FAM120C: variants seen among roughly 807,000 people sequenced by gnomAD.
FAM120C encodes constitutive coactivator of PPAR-gamma-like protein 2.
Under a neutral mutation model 71.2 loss-of-function variants are expected in FAM120C, and 14 were observed. The ratio of observed to expected loss-of-function variants is 0.20; its 90% CI spans 0.13 to 0.31. The LOEUF is 0.31. Ranked by LOEUF, FAM120C falls within the 10% of genes least tolerant of loss-of-function variation. The pLI, the probability that FAM120C is intolerant of heterozygous loss-of-function variation, is 1.00. For missense variants in FAM120C, 500 were observed against 879.0 expected, an observed-to-expected ratio of 0.57 and a Z score of 5.45; for synonymous variants, 354 against 353.2, an observed-to-expected ratio of 1.00 and a Z score of -0.03.
chrX:54,168,268 C>T (rs1448692685), intron 1 of FAM120C, among the ~76,000 whole-genome samples: 1 of 111,838 alleles, frequency 8.9e-6, no homozygotes. Flanking sequence ...TCCCAAATAG[C>T]TGGGACTACA....
In FAM120C at chrX:54,116,093, G is replaced by GA. The variant is rs782375487; in HGVS notation, c.2312+451dup. Among the ~76,000 whole-genome samples the GA allele has an allele frequency of 1.0e-4, 11 of 110,212 alleles. No homozygotes were observed. The East Asian group carries it at 1.7e-3, about 17-fold the overall frequency. ...TGAAACTCCATCTCAATAAAAAAGG[G>GA]AAAAAAAAGAAACAATGAGATGTAC... On this transcript the variant is annotated intron_variant, in intron 10 of 15. Transcript: ENST00000375180.
intron 6 of FAM120C, 122 bp downstream of exon 6, chrX:54,135,406 G>A (rs1557130362): frequency 2.2e-5 from 14 of 623,661 alleles, no homozygotes; most frequent in Middle Eastern, 3.8e-4. Context: ...AGTTGAGAAG[G>A]TAATATAGTA....
chrX:54,102,965 G>A (rs1557124334), intron 10 of FAM120C, among the ~76,000 whole-genome samples: 1 of 110,205 alleles, frequency 9.1e-6, no homozygotes, highest in Non-Finnish European at 1.9e-5. Context: ...TGATCTGCCT[G>A]CCTCGGCCTC....
intron 9 of FAM120C, among the ~76,000 whole-genome samples, chrX:54,118,516 G>A (rs1314670861): frequency 9.2e-6 from 1 of 109,062 alleles, no homozygotes; most frequent in Non-Finnish European, 1.9e-5. Flanking sequence ...AGTTTTGAAA[G>A]AAACTGACAA....
chrX:54,105,312 T>C (rs782037867), intron 10 of FAM120C, among the ~76,000 whole-genome samples: 4 of 111,639 alleles, frequency 3.6e-5, no homozygotes, highest in Non-Finnish European at 5.6e-5. Flanking sequence ...AAAAACCACA[T>C]GATTATCTCA....
chrX:54,145,676 T>C (rs2067151289), intron 4 of FAM120C, among the ~76,000 whole-genome samples: 1 of 111,701 alleles, frequency 9.0e-6, no homozygotes, highest in Non-Finnish European at 1.9e-5. Context: ...GGAGAGGATG[T>C]GGAGAAATAG....
chrX:54,148,046 T>G (rs1342783292), intron 4 of FAM120C, among the ~76,000 whole-genome samples: 1 of 111,464 alleles, frequency 9.0e-6, no homozygotes, highest in Admixed American at 9.6e-5. Context: ...CAAAAGAATA[T>G]TGTCATGCCT....
At chrX:54,079,758 T>C (rs1281066635) in intron 15 of FAM120C, among the ~76,000 whole-genome samples, 2 of 108,141 alleles carry the variant, frequency 1.8e-5, no homozygotes, top group African/African-American at 6.7e-5. Context: ...GATCGTGCAA[T>C]TGCACTCCAG....
chrX:54,117,169 G>A (rs1020055358), intron 9 of FAM120C, among the ~76,000 whole-genome samples: 6 of 105,626 alleles, frequency 5.7e-5, no homozygotes, highest in East Asian at 6.0e-4. Context: ...GACCAGCCCC[G>A]GCAAGATGGA....
Position 54,183,161 on chromosome X carries a change from C to T in FAM120C, c.38G>A (p.Arg13His). 1 of 1,145,077 alleles carries T rather than the reference C, an allele frequency of 8.7e-7. No homozygotes were observed. Among genetic ancestry groups the T allele is most frequent in the Non-Finnish European group, 1.2e-6 (1 of 863,630 alleles). 94.4% of individuals were successfully genotyped at this position (1,145,077 alleles called of 1,213,427 possible). ...CACGGGCACCACGGCCCCGGGACAG[C>T]GCTTCTCCAGGAACTCTTGGAAGCC... ...VQGFQEFLEK[R>H]CPGAVVPVDL... Residue 13 changes from arginine to histidine, a missense_variant, in exon 1 of 16, where the codon CGC becomes CAC. By Grantham distance (29) the Arg-to-His change is conservative. Around this residue, in one of 11 missense-constraint regions of FAM120C, gnomAD observed 12 missense variants for 30.3 expected, o/e 0.40. Transcript: ENST00000375180.
At chrX:54,097,840 C>T (rs2146572268) in intron 10 of FAM120C, among the ~76,000 whole-genome samples, 1 of 110,136 alleles carries the variant, frequency 9.1e-6, no homozygotes, top group African/African-American at 3.3e-5. Flanking sequence ...CATTCTCCTG[C>T]CTCAGCCTCC....
At chrX:54,101,227 G>A (rs1323775473) in intron 10 of FAM120C, among the ~76,000 whole-genome samples, 1 of 111,444 alleles carries the variant, frequency 9.0e-6, no homozygotes, top group Non-Finnish European at 1.9e-5. Context: ...GGGTCCATGT[G>A]AGATATGGCT....
In FAM120C at chrX:54,072,864, A is replaced by C; in HGVS notation, c.*169T>G. ...TCCAGAAACAGACCACTGAATCTGA[A>C]GTCCCAGAAACAGGCAGGGAAGGGG... On this transcript the variant is annotated 3_prime_UTR_variant, in exon 16 of 16. Transcript: ENST00000375180. The C allele has an allele frequency of 1.9e-6, 1 of 527,980 alleles. No homozygotes were observed. The allele number at this position is 527,980 out of a possible 1,213,427, so 43.5% of individuals were successfully genotyped here. A position where few individuals can be genotyped will look rare whatever the true frequency, so the allele number is the denominator to read the frequency against.
At chrX:54,102,227 A>G (rs2066886029) in intron 10 of FAM120C, among the ~76,000 whole-genome samples, 1 of 104,449 alleles carries the variant, frequency 9.6e-6, no homozygotes, top group Non-Finnish European at 2.0e-5. Flanking sequence ...GATGGGGTCT[A>G]TGTTGCCCAA....
At chrX:54,100,453 A>G in intron 10 of FAM120C, among the ~76,000 whole-genome samples, 1 of 111,237 alleles carries the variant, frequency 9.0e-6, no homozygotes, top group Non-Finnish European at 1.9e-5. Flanking sequence ...GGATTGTGCA[A>G]CTGCACTCCA....
chrX:54,116,412 G>A, intron 10 of FAM120C, 133 bp downstream of exon 10: 2 of 690,336 alleles, frequency 2.9e-6, no homozygotes, highest in Non-Finnish European at 4.2e-6. Flanking sequence ...ATCATTTTCG[G>A]TGTTTCTGGC....
chrX:54,174,651 A>T (rs1239895020), intron 1 of FAM120C, among the ~76,000 whole-genome samples: 4 of 112,782 alleles, frequency 3.5e-5, no homozygotes, highest in African/African-American at 1.3e-4. Flanking sequence ...TAATCATTCA[A>T]TTCATTCAAC....
intron 1 of FAM120C, chrX:54,171,718 A>G (rs1557135982): frequency 1.8e-5 from 2 of 111,814 alleles, no homozygotes; most frequent in South Asian, 3.7e-4. Flanking sequence ...AGCTGTTTAG[A>G]AATGTAGGCA....
Position 54,132,724 on chromosome X carries a change from C to A in FAM120C, c.2030G>T (p.Arg677Leu). 8.3e-7 allele frequency: 1 copy of A among 1,206,592 alleles called. No individual in the cohort carries two copies. Among genetic ancestry groups the A allele is most frequent in the South Asian group, 1.8e-5 (1 of 55,631 alleles). ...AGGCAGCCGCCGTCGCATGGCCAAG[C>A]GTTCCATTTTCCTCTGTGTCTCTGC... is the stretch of plus-strand genomic sequence containing the variant. ...SLAETQRKME[R>L]LAMRRRLPVE... The change falls in exon 9 of 16, where the codon CGC becomes CTC. Residue 677 changes from arginine (R) to leucine (L), a missense_variant. By Grantham distance (102) the Arg-to-Leu change is moderately radical (BLOSUM62 -2). This residue lies in a region of FAM120C where 104 missense variants were observed against 254.5 expected (regional missense o/e 0.41). Coordinates refer to ENST00000375180, the MANE Select transcript of FAM120C (RefSeq NM_017848.6).
Sources: gnomAD v4.1 joint callset for allele counts (sites outside exome capture counted in the v4.1 genomes callset) on GRCh38, gnomAD v4.1.1 for gene constraint, gnomAD v4.1.1 regional missense constraint, MANE v1.5 for transcripts, NCBI Gene and HGNC (gene_info 2026-07-23, HGNC 2026-07-21) for gene names.